EDIL3: variants seen among roughly 807,000 people sequenced by gnomAD.
EDIL3 encodes the protein EGF-like repeat and discoidin I-like domain-containing protein 3.
EDIL3 carries 37 observed loss-of-function variants against 67.4 expected under a neutral mutation model. That is an observed-to-expected ratio of 0.55 (90% CI 0.42 to 0.72). The LOEUF (loss-of-function observed/expected upper bound fraction) is 0.72. Among genes scored for constraint, EDIL3 ranks in the 30% least tolerant of loss-of-function variants. EDIL3 has a pLI of 0.00. For synonymous variants in EDIL3, 195 were observed against 196.3 expected, an observed-to-expected ratio of 0.99 and a Z score of 0.05; for missense variants, 527 against 586.3, an observed-to-expected ratio of 0.90 and a Z score of 1.04.
Position 84,003,676 on chromosome 5 carries a change from GC to G in EDIL3, c.1138-40317del, listed in dbSNP as rs1745368387. Among the ~76,000 whole-genome samples, 6 of 152,176 alleles carry G rather than the reference GC, an allele frequency of 3.9e-5. No individual in the cohort carries two copies. The South Asian group carries it at 1.2e-3, about 32-fold the overall frequency. On this transcript the variant is annotated intron_variant, in intron 9 of 10. Transcript: ENST00000296591. ...TATTACAAGAAGTACTTAAGGGAGT[GC>G]TAAATATGATAACAAAAAACTGCTA...
chr5:84,294,861 C>T (rs72776597), intron 1 of EDIL3, among the ~76,000 whole-genome samples: 13,391 of 152,202 alleles, frequency 0.088, 772 homozygotes, highest in South Asian at 0.2. Context: ...AGGTAAGTAA[C>T]TTGCCCAAGT....
intron 6 of EDIL3, among the ~76,000 whole-genome samples, chr5:84,093,402 G>A (rs1747202775): frequency 6.6e-6 from 1 of 152,040 alleles, no homozygotes; most frequent in Admixed American, 6.6e-5. Context: ...GACCGAGTGG[G>A]ATAAAAGGAT....
chr5:84,164,387 A>T lies in EDIL3; in HGVS notation c.355+16006T>A, dbSNP rs184506564. Among the ~76,000 whole-genome samples the T allele has an allele frequency of 3.3e-5, 5 of 152,226 alleles. No individual in the cohort carries two copies. The East Asian group carries it at 9.6e-4, about 29-fold the overall frequency. On this transcript the variant is annotated intron_variant, in intron 4 of 10. Coordinates refer to ENST00000296591, the MANE Select transcript of EDIL3 (RefSeq NM_005711.5). ...CCTTGAATTTAAATAAAATATATTT[A>T]AAAATATACTGGTAAAATATGCCAG... is the stretch of plus-strand genomic sequence containing the variant.
In EDIL3 at chr5:83,963,315, C is replaced by T; in HGVS notation, c.1183G>A (p.Gly395Arg). ...TGTACATGACCAAAATCTTTAGCTCCTTGTGTAATGATGCCAGTCACTTTG... is the reference window on the plus strand; with the variant it reads ...TGTACATGACCAAAATCTTTAGCTCTTTGTGTAATGATGCCAGTCACTTTG... The part of the protein sequence containing the change: ...PTKVTGIITQ[G>R]AKDFGHVQFV... The change falls in exon 10 of 11, where the codon GGA becomes AGA. Residue 395 changes from glycine to arginine, a missense_variant. Around this residue, in one of 2 missense-constraint regions of EDIL3, gnomAD observed 494 missense variants for 522.5 expected, o/e 0.95. Transcript: ENST00000296591. The T allele has an allele frequency of 6.2e-7, 1 of 1,609,508 alleles. No individual in the cohort carries two copies. The highest frequency in any genetic ancestry group is 8.5e-7 in the Non-Finnish European group (1 of 1,177,430).
chr5:84,320,834 T>C (rs1213631244), intron 1 of EDIL3, among the ~76,000 whole-genome samples: 3 of 152,028 alleles, frequency 2.0e-5, no homozygotes, highest in Non-Finnish European at 2.9e-5. Context: ...GGAAGAAAAG[T>C]TAAGGCAGTT....
At chr5:84,354,089 G>A (rs935625731) in intron 1 of EDIL3, among the ~76,000 whole-genome samples, 7 of 152,070 alleles carry the variant, frequency 4.6e-5, no homozygotes, top group African/African-American at 9.7e-5. Context: ...AATCACTTGC[G>A]AACCTAGTGA....
At chr5:84,023,599 C>T (rs1745756249) in intron 9 of EDIL3, among the ~76,000 whole-genome samples, 1 of 151,878 alleles carries the variant, frequency 6.6e-6, no homozygotes, top group South Asian at 2.1e-4. Flanking sequence ...AGGCTATTTG[C>T]TTGTGTATTG....
intron 1 of EDIL3, among the ~76,000 whole-genome samples, chr5:84,287,916 T>C (rs1745841200): frequency 6.6e-6 from 1 of 152,096 alleles, no homozygotes; most frequent in Non-Finnish European, 1.5e-5. Context: ...GTCTTTTCTA[T>C]CTATACTCAT....
chr5:84,086,705 T>C (rs892378419), intron 6 of EDIL3, among the ~76,000 whole-genome samples: 1 of 152,192 alleles, frequency 6.6e-6, no homozygotes, highest in Non-Finnish European at 1.5e-5. Flanking sequence ...CATGGTATTT[T>C]GCTGACTCAT....
intron 9 of EDIL3, among the ~76,000 whole-genome samples, chr5:84,024,837 A>G (rs1745783669): frequency 6.6e-6 from 1 of 151,388 alleles, no homozygotes; most frequent in Non-Finnish European, 1.5e-5. Flanking sequence ...TTGAGTATTG[A>G]CTTTTATCTC....
At chr5:84,121,823 C>A (rs949186147) in intron 5 of EDIL3, among the ~76,000 whole-genome samples, 2 of 152,000 alleles carry the variant, frequency 1.3e-5, no homozygotes, top group African/African-American at 4.8e-5. Context: ...ATATGTGTAT[C>A]ATAGCACTGA....
At chr5:84,136,026 A>G (rs1349972707) in intron 5 of EDIL3, among the ~76,000 whole-genome samples, 5 of 152,204 alleles carry the variant, frequency 3.3e-5, no homozygotes, top group Non-Finnish European at 7.3e-5. Flanking sequence ...AATGAGAAAT[A>G]CATTTCTTAC....
intron 3 of EDIL3, among the ~76,000 whole-genome samples, chr5:84,215,471 C>T (rs1744210236): frequency 6.6e-6 from 1 of 152,082 alleles, no homozygotes. Flanking sequence ...CCAGGATGGT[C>T]TCGATCTCCT....
At chr5:84,024,793 C>G (rs434353) in intron 9 of EDIL3, among the ~76,000 whole-genome samples, 130,106 of 151,868 alleles carry the variant, frequency 0.86, 56,392 homozygotes, top group Non-Finnish European at 0.92. Flanking sequence ...AAGAACACAA[C>G]TTCTTTCTAT....
chr5:84,267,274 T>C (rs899368896), intron 1 of EDIL3, among the ~76,000 whole-genome samples: 2 of 152,218 alleles, frequency 1.3e-5, no homozygotes, highest in Non-Finnish European at 2.9e-5. Flanking sequence ...TTGGAAAGCT[T>C]TGGCCTCTTG....
chr5:83,953,161 T>C (rs911303378), intron 10 of EDIL3, among the ~76,000 whole-genome samples: 2 of 151,802 alleles, frequency 1.3e-5, no homozygotes. Context: ...ACATAGAAGA[T>C]CTTAACTGGA....
At chr5:84,251,189 T>C (rs1414501871) in intron 2 of EDIL3, among the ~76,000 whole-genome samples, 1 of 152,170 alleles carries the variant, frequency 6.6e-6, no homozygotes, top group Non-Finnish European at 1.5e-5. Context: ...CTCAGCTCAT[T>C]GCAACCTCTG....
chr5:84,181,911 A>T (rs1054138010), intron 3 of EDIL3, among the ~76,000 whole-genome samples: 2 of 152,208 alleles, frequency 1.3e-5, no homozygotes, highest in African/African-American at 4.8e-5. Flanking sequence ...AAAGGAAAGC[A>T]AGGGTAATTA....
intron 2 of EDIL3, among the ~76,000 whole-genome samples, chr5:84,233,666 T>C (rs1028647305): frequency 6.6e-6 from 1 of 152,156 alleles, no homozygotes; most frequent in African/African-American, 2.4e-5. Context: ...GATATAGGCA[T>C]GTGACCCATT....
Sources: allele counts gnomAD v4.1 joint callset (sites outside exome capture counted in the v4.1 genomes callset), GRCh38; gene constraint gnomAD v4.1.1; regional missense constraint gnomAD v4.1.1; transcripts MANE v1.5; gene names NCBI Gene and HGNC (gene_info 2026-07-23, HGNC 2026-07-21).